SPIRE1: variants seen among roughly 807,000 people sequenced by gnomAD.
The protein encoded by SPIRE1 is spire type actin nucleation factor 1.
Under a neutral mutation model 94.1 loss-of-function variants are expected in SPIRE1, and 40 were observed. The ratio of observed to expected loss-of-function variants is 0.43; its 90% confidence interval spans 0.33 to 0.55. The LOEUF (loss-of-function observed/expected upper bound fraction) is 0.55. Among genes scored for constraint, SPIRE1 ranks in the 20% least tolerant of loss-of-function variants. The pLI, the probability that SPIRE1 is intolerant of heterozygous loss-of-function variation, is 0.06. For missense variants in SPIRE1, 838 were observed against 975.2 expected, an observed-to-expected ratio of 0.86 and a Z score of 1.87; for synonymous variants, 376 against 371.7, an observed-to-expected ratio of 1.01 and a Z score of -0.13.
chr18:12,565,669 C>T (rs1453595352), intron 2 of SPIRE1, among the ~76,000 whole-genome samples: 3 of 151,812 alleles, frequency 2.0e-5, no homozygotes, highest in Admixed American at 1.3e-4. Flanking sequence ...CCACTGCGCC[C>T]GGCCAAGACT....
intron 1 of SPIRE1, chr18:12,653,050 G>C (rs779005822): frequency 6.6e-6 from 1 of 152,194 alleles, no homozygotes; most frequent in Non-Finnish European, 1.5e-5. Context: ...ACAATCCTGG[G>C]CACCACCTGC....
chr18:12,581,871 A>C (rs1286308694), intron 2 of SPIRE1, among the ~76,000 whole-genome samples: 1 of 150,736 alleles, frequency 6.6e-6, no homozygotes, highest in Non-Finnish European at 1.5e-5. Context: ...AAAAAAAAAA[A>C]ATCATTATGA....
At chr18:12,655,525 C>T (rs1283921175) in intron 1 of SPIRE1, among the ~76,000 whole-genome samples, 1 of 152,118 alleles carries the variant, frequency 6.6e-6, no homozygotes, top group Non-Finnish European at 1.5e-5. Flanking sequence ...TAACTGGTAG[C>T]GCAGGTCATG....
chr18:12,633,988 C>G (rs1247784504), intron 2 of SPIRE1, among the ~76,000 whole-genome samples: 1 of 152,178 alleles, frequency 6.6e-6, no homozygotes, highest in Admixed American at 6.5e-5. Flanking sequence ...GTGGCTCATG[C>G]CTGTAATCCC....
At chr18:12,492,626 G>GT (rs1246257538) in intron 8 of SPIRE1, among the ~76,000 whole-genome samples, 2 of 151,924 alleles carry the variant, frequency 1.3e-5, no homozygotes, top group African/African-American at 4.8e-5. Flanking sequence ...CGTTATCTTT[G>GT]TATATGCAAT....
chr18:12,650,816 CT>C (rs1310460064), intron 1 of SPIRE1, among the ~76,000 whole-genome samples: 2 of 148,964 alleles, frequency 1.3e-5, no homozygotes, highest in African/African-American at 5.0e-5. Context: ...GAGGTCAAAG[CT>C]GCAGTGAGCC....
At chr18:12,623,725 T>C (rs2037541426) in intron 2 of SPIRE1, among the ~76,000 whole-genome samples, 2 of 152,170 alleles carry the variant, frequency 1.3e-5, no homozygotes, top group African/African-American at 4.8e-5. Flanking sequence ...ACCTCCCAGG[T>C]TGAATCAATT....
chr18:12,499,748 T>A (rs2033591642), intron 6 of SPIRE1, among the ~76,000 whole-genome samples: 2 of 152,148 alleles, frequency 1.3e-5, no homozygotes, highest in African/African-American at 4.8e-5. Flanking sequence ...TAAATTGTAT[T>A]TCAGCAAAAT....
Position 12,578,511 on chromosome 18 carries a change from C to G in SPIRE1, c.373-31607G>C, listed in dbSNP as rs532515420. On this transcript the variant is annotated intron_variant, in intron 2 of 16. Transcript: ENST00000409402. The stretch of plus-strand genomic sequence containing the variant: ...GCTGGGGGACTGACTGCACCGGAAA[C>G]TTTCTGTGGTGATGAAATGATTGGA... Among the ~76,000 whole-genome samples, 247 of 152,332 alleles carry G rather than the reference C, an allele frequency of 1.6e-3. 1 individual carries two copies. Among genetic ancestry groups the G allele is most frequent in the South Asian group, 5.2e-3 (25 of 4,830 alleles).
In SPIRE1 at chr18:12,587,405, G is replaced by A. The variant is rs1014183606; in HGVS notation, c.373-40501C>T. On this transcript the variant is annotated intron_variant, in intron 2 of 16. Coordinates refer to ENST00000409402, the MANE Select transcript of SPIRE1 (RefSeq NM_001128626.2). ...GCCAGAGTGATTCTCATATAATTTC[G>A]AGCTCTAAATATATTGCTAAATATA... is the stretch of plus-strand genomic sequence containing the variant. Among the ~76,000 whole-genome samples, 13 of 151,096 alleles carry A rather than the reference G, an allele frequency of 8.6e-5. 1 individual carries two copies. Among genetic ancestry groups the A allele is most frequent in the Admixed American group, 4.8e-4 (7 of 14,618 alleles).
In SPIRE1 at chr18:12,513,489, C is replaced by CTTTA. The variant is rs10580270; in HGVS notation, c.730-962_730-959dup. On this transcript the variant is annotated intron_variant, in intron 4 of 16. Coordinates refer to ENST00000409402, the MANE Select transcript of SPIRE1 (RefSeq NM_001128626.2). ...TTATATGAGAATAATGAATACTTAACTTTATTTATTTATTTATTTATTTAT... is the reference window on the plus strand; with the variant it reads ...TTATATGAGAATAATGAATACTTAACTTTATTTATTTATTTATTTATTTATTTAT... Among the ~76,000 whole-genome samples the CTTTA allele has an allele frequency of 2.2e-3, 310 of 142,928 alleles. 1 individual carries two copies. The highest frequency in any genetic ancestry group is 4.8e-3 in the East Asian group (23 of 4,810). 93.8% of individuals were successfully genotyped at this position (142,928 alleles called of 152,430 possible).
At chr18:12,567,949 T>C (rs866681852) in intron 2 of SPIRE1, among the ~76,000 whole-genome samples, 35 of 152,252 alleles carry the variant, frequency 2.3e-4, no homozygotes, top group African/African-American at 8.4e-4. Flanking sequence ...TGGACTATTA[T>C]GACTGCTGCT....
At chr18:12,496,238 G>T (rs532852150) in intron 6 of SPIRE1, 136 bp from the exon 7 acceptor site, 1 of 604,410 alleles carries the variant, frequency 1.7e-6, no homozygotes, top group East Asian at 2.9e-5. Flanking sequence ...AATCAATAAA[G>T]TGGGGAGTAA....
At chr18:12,640,698 GAACC>G (rs905637227) in intron 1 of SPIRE1, among the ~76,000 whole-genome samples, 7 of 152,212 alleles carry the variant, frequency 4.6e-5, no homozygotes, top group African/African-American at 1.7e-4. Flanking sequence ...AAGCTGGGTA[GAACC>G]AACTGCAGGG....
chr18:12,578,105 T>C (rs1472810490), intron 2 of SPIRE1, among the ~76,000 whole-genome samples: 1 of 152,190 alleles, frequency 6.6e-6, no homozygotes, highest in Non-Finnish European at 1.5e-5. Flanking sequence ...CTGGTGTGAA[T>C]ACAAAACAAC....
At chr18:12,630,803 G>C (rs2144794548) in intron 2 of SPIRE1, among the ~76,000 whole-genome samples, 1 of 152,318 alleles carries the variant, frequency 6.6e-6, no homozygotes, top group Admixed American at 6.5e-5. Flanking sequence ...GGCTGAACAG[G>C]CTGCCCCAGA....
chr18:12,481,057 T>C (rs959173236), intron 9 of SPIRE1, among the ~76,000 whole-genome samples: 3 of 152,076 alleles, frequency 2.0e-5, no homozygotes, highest in Non-Finnish European at 4.4e-5. Context: ...TGGCCCGGCA[T>C]GGTGGCTCAC....
chr18:12,521,266 C>T (rs911105622), intron 4 of SPIRE1, among the ~76,000 whole-genome samples: 29 of 151,812 alleles, frequency 1.9e-4, no homozygotes, highest in African/African-American at 7.0e-4. Context: ...TTGCATAGGG[C>T]TAACTGAAAT....
intron 10 of SPIRE1, among the ~76,000 whole-genome samples, chr18:12,470,236 A>C (rs1252637276): frequency 6.6e-6 from 1 of 152,164 alleles, no homozygotes; most frequent in Non-Finnish European, 1.5e-5. Context: ...GCATAATCTT[A>C]TACTGGCCAC....
Sources: gnomAD v4.1 joint callset for allele counts (sites outside exome capture counted in the v4.1 genomes callset) on GRCh38, gnomAD v4.1.1 for gene constraint, MANE v1.5 for transcripts, NCBI Gene and HGNC (gene_info 2026-07-23, HGNC 2026-07-21) for gene names.